Variants in KSR2 observed in about 807,000 individuals in gnomAD.
The protein encoded by KSR2 is kinase suppressor of ras 2.
In KSR2, 25 loss-of-function variants were observed where a neutral mutation model predicts 107.8. The ratio of observed to expected loss-of-function variants is 0.23; its 90% CI spans 0.17 to 0.32. KSR2 has a LOEUF of 0.32. KSR2 is among the 10% of genes least tolerant of loss of function. The pLI, the probability that KSR2 is intolerant of heterozygous loss-of-function variation, is 1.00. For missense variants in KSR2, 887 were observed against 1,268.9 expected (o/e 0.70, Z 4.57); for synonymous variants, 480 against 507.0 (o/e 0.95, Z 0.71).
At position 117,627,092 on chromosome 12, in the gene KSR2, G is replaced by A. The variant is rs1019131383; in HGVS notation, c.1171+40382C>T. ...ATCCCTTTATTTTGAGCCTATGTGC[G>A]TCTTTACACGTGATATGGGTCTCCT... is the stretch of plus-strand genomic sequence containing the variant. On this transcript the variant is annotated intron_variant, in intron 5 of 19. Coordinates refer to ENST00000339824, the MANE Select transcript of KSR2 (RefSeq NM_173598.6). Among the ~76,000 whole-genome samples, 12 of 151,386 alleles carry A rather than the reference G, an allele frequency of 7.9e-5. No homozygotes were observed. The South Asian group carries it at 8.3e-4, about 11-fold the overall frequency.
At chr12:117,488,228 C>T (rs1240944329) in intron 14 of KSR2, among the ~76,000 whole-genome samples, 3 of 152,126 alleles carry the variant, frequency 2.0e-5, no homozygotes, top group African/African-American at 7.2e-5. Flanking sequence ...TATAAATTAC[C>T]CAGTCTCCGG....
chr12:117,763,960 TG>T (rs1297545652), intron 3 of KSR2, among the ~76,000 whole-genome samples: 14 of 151,968 alleles, frequency 9.2e-5, no homozygotes, highest in Admixed American at 9.2e-4. Context: ...GAAGGAGATT[TG>T]GGGCGCAAAG....
chr12:117,846,596 G>T (rs747490333), intron 3 of KSR2, among the ~76,000 whole-genome samples: 1 of 152,178 alleles, frequency 6.6e-6, no homozygotes, highest in East Asian at 1.9e-4. Context: ...AAACCACTGC[G>T]CCCAACTTGA....
chr12:117,766,883 G>A (rs1344223937), intron 3 of KSR2, among the ~76,000 whole-genome samples: 1 of 151,444 alleles, frequency 6.6e-6, no homozygotes, highest in Non-Finnish European at 1.5e-5. Flanking sequence ...TTTTCGGGAT[G>A]GGGCGGGGGC....
chr12:117,955,991 CT>C (rs1193383751), intron 1 of KSR2, among the ~76,000 whole-genome samples: 2 of 151,856 alleles, frequency 1.3e-5, no homozygotes, highest in East Asian at 3.9e-4. Flanking sequence ...TGGTTCACGC[CT>C]GTAATCCCAG....
chr12:117,565,856 C>T (rs900777796), intron 7 of KSR2, among the ~76,000 whole-genome samples: 1 of 152,218 alleles, frequency 6.6e-6, no homozygotes. Context: ...CTTCTATGTG[C>T]ATGGCTTTAA....
At chr12:117,523,431 C>A (rs199851620) in intron 14 of KSR2, among the ~76,000 whole-genome samples, 1 of 152,122 alleles carries the variant, frequency 6.6e-6, no homozygotes, top group East Asian at 1.9e-4. Flanking sequence ...GGGGAGTCAG[C>A]GCCAGAGTTT....
chr12:117,890,631 T>C (rs968921937), intron 1 of KSR2: 3 of 152,254 alleles, frequency 2.0e-5, no homozygotes, highest in Non-Finnish European at 2.9e-5. Flanking sequence ...CCCAATTTAC[T>C]TAATGGGAAG....
At chr12:117,820,477 A>ATGTAATAAATACATTTAAGCC (rs1891527356) in intron 3 of KSR2, among the ~76,000 whole-genome samples, 1 of 152,234 alleles carries the variant, frequency 6.6e-6, no homozygotes, top group Non-Finnish European at 1.5e-5. Flanking sequence ...ATGTTTAAGC[A>ATGTAATAAATACATTTAAGCC]TGTAATAAAT....
intron 5 of KSR2, among the ~76,000 whole-genome samples, chr12:117,622,751 T>G (rs965525498): frequency 2.6e-5 from 4 of 152,186 alleles, no homozygotes; most frequent in African/African-American, 9.7e-5. Flanking sequence ...ACTCCACTTT[T>G]AGGAATAAGA....
At chr12:117,830,772 G>A (rs763291686) in intron 3 of KSR2, among the ~76,000 whole-genome samples, 7 of 152,040 alleles carry the variant, frequency 4.6e-5, no homozygotes, top group East Asian at 1.9e-4. Flanking sequence ...ACCACAAACC[G>A]GAGATCAGAG....
At chr12:117,889,568 A>G (rs541630537) in intron 1 of KSR2, 1 of 152,292 alleles carries the variant, frequency 6.6e-6, no homozygotes, top group Admixed American at 6.5e-5. Context: ...ACGTGGGGCC[A>G]TAGTGTCAGC....
At chr12:117,470,343 C>T (rs568224625) in intron 18 of KSR2, among the ~76,000 whole-genome samples, 69 of 151,970 alleles carry the variant, frequency 4.5e-4, no homozygotes, top group African/African-American at 1.5e-3. Context: ...TCTATACATC[C>T]ACCCATCTAT....
In KSR2 at chr12:117,466,994, C is replaced by T. The variant is rs1272051673; in HGVS notation, c.*205G>A. 17 of 473,874 alleles carry T rather than the reference C, an allele frequency of 3.6e-5. No homozygotes were observed. Among genetic ancestry groups the T allele is most frequent in the Non-Finnish European group, 6.3e-5 (17 of 269,508 alleles). The allele number at this position is 473,874 out of a possible 1,614,324, so 29.4% of individuals were successfully genotyped here. On this transcript the variant is annotated 3_prime_UTR_variant, in exon 20 of 20. Transcript: ENST00000339824. ...TGGCTGGTCCGGTTCAGTCCTAGCT[C>T]GGGGGTCCCCAACCCTGCCCGAGGA...
chr12:117,968,522 G>A lies in KSR2; in HGVS notation c.-267C>T, dbSNP rs1896866159. 8.1e-7 allele frequency: 1 copy of A among 1,230,690 alleles called. No homozygotes were observed. Among genetic ancestry groups the A allele is most frequent in the African/African-American group, 1.6e-5 (1 of 64,028 alleles). The allele number at this position is 1,230,690 out of a possible 1,614,324, so 76.2% of individuals were successfully genotyped here. On this transcript the variant is annotated 5_prime_UTR_variant, in exon 1 of 20. Coordinates refer to ENST00000339824, the MANE Select transcript of KSR2 (RefSeq NM_173598.6). ...TCTCTGAGTCTCTGGTCCCTGAAAAGGAGAGATGCTGTTTCTCAGAAGCAA... is the reference window on the plus strand; with the variant it reads ...TCTCTGAGTCTCTGGTCCCTGAAAAAGAGAGATGCTGTTTCTCAGAAGCAA...
chr12:117,948,484 C>G (rs1328684355), intron 1 of KSR2, among the ~76,000 whole-genome samples: 1 of 146,056 alleles, frequency 6.8e-6, no homozygotes, highest in Non-Finnish European at 1.5e-5. Flanking sequence ...AGCAAGACTC[C>G]GTCTCAAAAA....
intron 16 of KSR2, among the ~76,000 whole-genome samples, chr12:117,483,803 C>A (rs922002123): frequency 6.6e-6 from 1 of 152,156 alleles, no homozygotes; most frequent in Admixed American, 6.5e-5. Flanking sequence ...CTACCCTTTG[C>A]GGAGCTTTTG....
At chr12:117,528,080 TTGTG>T (rs1240206572) in intron 12 of KSR2, among the ~76,000 whole-genome samples, 2 of 151,282 alleles carry the variant, frequency 1.3e-5, no homozygotes, top group Non-Finnish European at 2.9e-5. Context: ...GCGTCACAAT[TTGTG>T]TGAGCACTGC....
At chr12:117,699,598 T>A (rs897313472) in intron 4 of KSR2, among the ~76,000 whole-genome samples, 28 of 152,126 alleles carry the variant, frequency 1.8e-4, no homozygotes, top group African/African-American at 6.0e-4. Flanking sequence ...ATAGAAAAGG[T>A]ACAGGCAAAA....
Sources: gnomAD v4.1 joint callset for allele counts (sites outside exome capture counted in the v4.1 genomes callset) on GRCh38, gnomAD v4.1.1 for gene constraint, MANE v1.5 for transcripts, NCBI Gene and HGNC (gene_info 2026-07-23, HGNC 2026-07-21) for gene names.